PLD5: variants seen among roughly 807,000 people sequenced by gnomAD.
The protein encoded by PLD5 is phospholipase D family member 5.
A neutral mutation model predicts 61.1 loss-of-function variants in PLD5; 36 were observed. That is an observed-to-expected ratio of 0.59 (90% CI 0.45 to 0.78). PLD5 has a LOEUF of 0.78. Among genes scored for constraint, PLD5 ranks in the 30% least tolerant of loss-of-function variants. The pLI, the probability that PLD5 is intolerant of heterozygous loss-of-function variation, is 0.00. For synonymous variants in PLD5, 243 were observed against 242.8 expected, an observed-to-expected ratio of 1.00 and a Z score of -0.01; for missense variants, 515 against 644.4, an observed-to-expected ratio of 0.80 and a Z score of 2.17.
intron 1 of PLD5, among the ~76,000 whole-genome samples, chr1:242,368,878 T>C (rs1661482059): frequency 6.6e-6 from 1 of 152,204 alleles, no homozygotes; most frequent in Non-Finnish European, 1.5e-5. Context: ...GGTTGCTTTT[T>C]GTTAGAAAGG....
intron 2 of PLD5, among the ~76,000 whole-genome samples, chr1:242,347,804 T>A (rs1660224238): frequency 6.6e-6 from 1 of 152,302 alleles, no homozygotes; most frequent in Non-Finnish European, 1.5e-5. Flanking sequence ...TTTTACAGGC[T>A]CATCATGAAC....
chr1:242,133,858 A>G (rs1663497127), intron 5 of PLD5, among the ~76,000 whole-genome samples: 1 of 152,248 alleles, frequency 6.6e-6, no homozygotes, highest in Non-Finnish European at 1.5e-5. Flanking sequence ...CTGAGAGTGA[A>G]ATGAGATGAA....
chr1:242,377,791 A>G (rs1662050965), intron 1 of PLD5, among the ~76,000 whole-genome samples: 1 of 152,230 alleles, frequency 6.6e-6, no homozygotes, highest in African/African-American at 2.4e-5. Flanking sequence ...ACATCACTAT[A>G]GAAAAATGCA....
At chr1:242,481,655 G>A (rs937375385) in intron 1 of PLD5, among the ~76,000 whole-genome samples, 6 of 152,210 alleles carry the variant, frequency 3.9e-5, no homozygotes, top group Admixed American at 3.3e-4. Flanking sequence ...CAAACAAAAG[G>A]CAGCAGAAAC....
chr1:242,127,765 G>A (rs970061177), intron 5 of PLD5, among the ~76,000 whole-genome samples: 1 of 152,132 alleles, frequency 6.6e-6, no homozygotes, highest in Non-Finnish European at 1.5e-5. Flanking sequence ...TAAAGAACTT[G>A]TGTAATCAAA....
chr1:242,145,771 T>A (rs1574390075), intron 5 of PLD5, among the ~76,000 whole-genome samples: 1 of 152,084 alleles, frequency 6.6e-6, no homozygotes, highest in Non-Finnish European at 1.5e-5. Flanking sequence ...CTCCTGGGTT[T>A]AAGTGATTCT....
intron 1 of PLD5, among the ~76,000 whole-genome samples, chr1:242,453,055 G>T (rs892551556): frequency 2.0e-5 from 3 of 152,208 alleles, no homozygotes; most frequent in African/African-American, 7.2e-5. Context: ...AATGTTTGTG[G>T]CCCCCTCCAC....
chr1:242,452,485 T>C (rs1005028687), intron 1 of PLD5, among the ~76,000 whole-genome samples: 1 of 152,078 alleles, frequency 6.6e-6, no homozygotes, highest in Non-Finnish European at 1.5e-5. Flanking sequence ...CTTGGACTTT[T>C]CTATAAAATA....
chr1:242,349,231 A>G (rs1660335393), intron 1 of PLD5, among the ~76,000 whole-genome samples: 1 of 152,194 alleles, frequency 6.6e-6, no homozygotes, highest in African/African-American at 2.4e-5. Context: ...CTGAGTTACT[A>G]TAAGGGGTTG....
intron 5 of PLD5, among the ~76,000 whole-genome samples, chr1:242,209,618 CA>C: frequency 6.6e-6 from 1 of 152,294 alleles, no homozygotes. Flanking sequence ...GAACTTAATC[CA>C]TAAATGTTGC....
intron 7 of PLD5, 80 bp downstream of exon 7, chr1:242,113,810 G>A (rs1345121037): frequency 1.4e-6 from 2 of 1,476,260 alleles, no homozygotes; most frequent in Non-Finnish European, 1.8e-6. Flanking sequence ...TCCATTTCCA[G>A]GCTGGCTTCT....
intron 5 of PLD5, among the ~76,000 whole-genome samples, chr1:242,156,289 T>C (rs2148829995): frequency 6.6e-6 from 1 of 152,318 alleles, no homozygotes; most frequent in South Asian, 2.1e-4. Context: ...GACTGATAGG[T>C]CTTGACTCTT....
chr1:242,191,030 T>A lies in PLD5; in HGVS notation c.735+28958A>T, dbSNP rs796181594. Among the ~76,000 whole-genome samples, 62 of 151,778 alleles carry A rather than the reference T, an allele frequency of 4.1e-4. 1 individual carries two copies. Among genetic ancestry groups the A allele is most frequent in the African/African-American group, 1.5e-3 (62 of 41,406 alleles). On this transcript the variant is annotated intron_variant, in intron 5 of 9. Transcript: ENST00000536534. Reference sequence around the variant, plus strand: ...TTGGTATAGAATGTACCAGCAATAATGAAATTAACACCCAAATGCAAGAGG... The same window carrying A: ...TTGGTATAGAATGTACCAGCAATAAAGAAATTAACACCCAAATGCAAGAGG...
chr1:242,223,718 A>AT (rs1670748656), intron 4 of PLD5, among the ~76,000 whole-genome samples: 1 of 152,188 alleles, frequency 6.6e-6, no homozygotes, highest in Non-Finnish European at 1.5e-5. Flanking sequence ...AAAAATATAT[A>AT]TTTTTGTATA....
intron 2 of PLD5, among the ~76,000 whole-genome samples, chr1:242,297,343 C>CAAAAAAA (rs34723393): frequency 3.2e-5 from 2 of 63,120 alleles, no homozygotes; most frequent in Non-Finnish European, 5.6e-5. Context: ...GACTCCTTCT[C>CAAAAAAA]AAAAAAAAAA....
At chr1:242,388,719 G>A (rs1364480593) in intron 1 of PLD5, among the ~76,000 whole-genome samples, 2 of 152,274 alleles carry the variant, frequency 1.3e-5, no homozygotes, top group African/African-American at 2.4e-5. Flanking sequence ...GAGATTGGGA[G>A]GCCGTGGTGG....
chr1:242,330,485 A>G (rs1252485621), intron 2 of PLD5, among the ~76,000 whole-genome samples: 8 of 152,076 alleles, frequency 5.3e-5, no homozygotes, highest in Admixed American at 4.6e-4. Flanking sequence ...CCTTCCTGTG[A>G]CTCCCTAGCA....
At chr1:242,264,128 T>C (rs71498867) in intron 4 of PLD5, among the ~76,000 whole-genome samples, 1,606 of 152,094 alleles carry the variant, frequency 0.011, 33 homozygotes, top group African/African-American at 0.036. Context: ...AAAAAAAGTG[T>C]TCTCTAACAA....
intron 2 of PLD5, among the ~76,000 whole-genome samples, chr1:242,341,199 G>T (rs1223043713): frequency 1.3e-5 from 2 of 151,128 alleles, no homozygotes; most frequent in African/African-American, 4.9e-5. Flanking sequence ...GACAATTTGG[G>T]CATTAAAAGG....
Sources: allele counts gnomAD v4.1 joint callset (sites outside exome capture counted in the v4.1 genomes callset), GRCh38; gene constraint gnomAD v4.1.1; transcripts MANE v1.5; gene names NCBI Gene and HGNC (gene_info 2026-07-23, HGNC 2026-07-21).